Variants in ZNF536 observed in about 807,000 individuals in gnomAD.
The protein encoded by ZNF536 is zinc finger protein 536.
In ZNF536, 13 loss-of-function variants were observed where a neutral mutation model predicts 84.5. The observed-to-expected ratio is 0.15, with a 90% confidence interval of 0.10 to 0.24. The LOEUF (loss-of-function observed/expected upper bound fraction) is 0.24. Among genes scored for constraint, ZNF536 ranks in the 10% least tolerant of loss-of-function variants. The pLI is 1.00. For missense variants in ZNF536, 1,536 were observed against 1,747.5 expected, an observed-to-expected ratio of 0.88 and a Z score of 2.16; for synonymous variants, 811 against 742.5, an observed-to-expected ratio of 1.09 and a Z score of -1.50.
chr19:30,527,219 CTTTTTT>C (rs56404227), intron 2 of ZNF536, among the ~76,000 whole-genome samples: 3 of 106,170 alleles, frequency 2.8e-5, no homozygotes, highest in South Asian at 3.4e-4. Flanking sequence ...ACCCAGCCTC[CTTTTTT>C]TTTTTTTTTT....
At chr19:30,259,917 ATTTTT>A (rs34342169) in intron 1 of ZNF536, among the ~76,000 whole-genome samples, 3 of 133,722 alleles carry the variant, frequency 2.2e-5, no homozygotes, top group Non-Finnish European at 4.8e-5. Flanking sequence ...TGCCCAGCTA[ATTTTT>A]TTTTTTTTTT....
At chr19:30,426,911 T>A (rs1446060301) in intron 1 of ZNF536, among the ~76,000 whole-genome samples, 1 of 152,182 alleles carries the variant, frequency 6.6e-6, no homozygotes, top group Admixed American at 6.5e-5. Context: ...TTTGTCTGTG[T>A]GCATTATTTC....
chr19:30,430,485 G>A (rs747458819), intron 1 of ZNF536, among the ~76,000 whole-genome samples: 10 of 152,224 alleles, frequency 6.6e-5, no homozygotes, highest in South Asian at 4.2e-4. Flanking sequence ...GACACTGTTC[G>A]GGGTGAGGCC....
At chr19:30,609,871 TATCC>T (rs1346095975) in intron 1 of ZNF536, among the ~76,000 whole-genome samples, 1 of 109,230 alleles carries the variant, frequency 9.2e-6, no homozygotes, top group Non-Finnish European at 1.9e-5. Context: ...TCCACCCATT[TATCC>T]ATCCATCCAT....
chr19:30,267,480 G>T (rs1315698144), intron 1 of ZNF536, among the ~76,000 whole-genome samples: 4 of 152,128 alleles, frequency 2.6e-5, no homozygotes, highest in Admixed American at 6.5e-5. Flanking sequence ...GAAAAATAGA[G>T]TGAAGGTAGG....
intron 1 of ZNF536, among the ~76,000 whole-genome samples, chr19:30,707,476 A>T (rs993254873): frequency 6.6e-6 from 1 of 151,840 alleles, no homozygotes; most frequent in African/African-American, 2.4e-5. Context: ...CACCCTGGGG[A>T]CTCCTTCTCT....
intron 1 of ZNF536, among the ~76,000 whole-genome samples, chr19:30,607,771 A>G (rs1305889422): frequency 1.3e-5 from 2 of 152,016 alleles, no homozygotes; most frequent in Non-Finnish European, 2.9e-5. Context: ...TGTGTGTAAC[A>G]TATTAGAAAT....
intron 2 of ZNF536, among the ~76,000 whole-genome samples, chr19:30,483,401 C>T (rs976868870): frequency 6.6e-6 from 1 of 152,124 alleles, no homozygotes; most frequent in African/African-American, 2.4e-5. Flanking sequence ...GCACCTCAAA[C>T]TCAGCAGGTC....
At chr19:30,379,372 C>T (rs760627581) in intron 1 of ZNF536, among the ~76,000 whole-genome samples, 2 of 152,010 alleles carry the variant, frequency 1.3e-5, no homozygotes, top group African/African-American at 2.4e-5. Context: ...ATTCTTTGAG[C>T]GTCAGTCATG....
chr19:30,465,787 G>T (rs532338079), intron 2 of ZNF536, among the ~76,000 whole-genome samples: 14 of 152,140 alleles, frequency 9.2e-5, no homozygotes, highest in African/African-American at 3.4e-4. Flanking sequence ...GTCTTGCTCT[G>T]TTGCCCAGGC....
chr19:30,680,488 T>A (rs952210197), intron 1 of ZNF536, among the ~76,000 whole-genome samples: 29 of 145,482 alleles, frequency 2.0e-4, no homozygotes, highest in Non-Finnish European at 3.9e-4. Context: ...CACCTATGAG[T>A]GAGAATATGC....
chr19:30,558,586 C>T (rs916881722), downstream of ZNF536, among the ~76,000 whole-genome samples: 3 of 152,298 alleles, frequency 2.0e-5, no homozygotes, highest in South Asian at 2.1e-4. Flanking sequence ...CTGACCTTTT[C>T]GGACTGTACT....
chr19:30,234,823 G>A (rs1043755572), intron 1 of ZNF536, among the ~76,000 whole-genome samples: 2 of 152,018 alleles, frequency 1.3e-5, no homozygotes, highest in African/African-American at 4.8e-5. Context: ...GGTTGTGAAA[G>A]CCCACCTAAA....
intron 1 of ZNF536, among the ~76,000 whole-genome samples, chr19:30,684,204 G>A (rs975504203): frequency 3.3e-5 from 5 of 151,972 alleles, no homozygotes; most frequent in African/African-American, 4.8e-5. Flanking sequence ...GTACAATCTC[G>A]GCTTACTGCA....
chr19:30,640,002 T>C (rs1325816262), intron 1 of ZNF536, among the ~76,000 whole-genome samples: 1 of 152,234 alleles, frequency 6.6e-6, no homozygotes, highest in African/African-American at 2.4e-5. Flanking sequence ...TCCAGCACTT[T>C]GGGAGGCCGA....
chr19:30,226,571 C>T (rs918205714), upstream of ZNF536, among the ~76,000 whole-genome samples: 2 of 152,028 alleles, frequency 1.3e-5, no homozygotes, highest in East Asian at 3.9e-4. This position sits in a 1 kb window ranked among gnomAD's most constrained non-coding sequence, Gnocchi z 4.6. Flanking sequence ...GGTCCGAACC[C>T]GCGACCCCAG....
At chr19:30,320,383 G>C (rs1457024586) in intron 2 of ZNF536, among the ~76,000 whole-genome samples, 2 of 152,172 alleles carry the variant, frequency 1.3e-5, no homozygotes, top group African/African-American at 4.8e-5. Flanking sequence ...ATTTTAATCA[G>C]GGTCTTTGGG....
Position 30,355,472 on chromosome 19 carries a change from C to T in ZNF536, c.-3+2988C>T, listed in dbSNP as rs139862194. Among the ~76,000 whole-genome samples the T allele has an allele frequency of 4.8e-3, 733 of 152,146 alleles. 4 individuals are homozygous for T. The highest frequency in any genetic ancestry group is 0.014 in the Admixed American group (220 of 15,278). ...GCGTGATTTTGGCTCACTGCAACCT[C>T]GACCTCCTGGGCTCATGCGATCCCC... On this transcript the variant is annotated intron_variant, in intron 3 of 5. Coordinates refer to the ZNF536 transcript ENST00000585628.
chr19:30,632,127 G>A (rs970190222), intron 1 of ZNF536, among the ~76,000 whole-genome samples: 1 of 152,180 alleles, frequency 6.6e-6, no homozygotes, highest in Admixed American at 6.5e-5. Context: ...ACTATTAACT[G>A]TGAGTAATAG....
Sources: allele counts gnomAD v4.1 joint callset (sites outside exome capture counted in the v4.1 genomes callset), GRCh38; gene constraint gnomAD v4.1.1; non-coding constraint Gnocchi (gnomAD v3.1); transcripts MANE v1.5; gene names NCBI Gene and HGNC (gene_info 2026-07-23, HGNC 2026-07-21).